The following UBA1 variants were observed in gnomAD, a reference collection of about 807,000 sequenced individuals.
The protein encoded by UBA1 is ubiquitin-like modifier-activating enzyme 1.
In UBA1, 4 loss-of-function variants were observed where a neutral mutation model predicts 84.7. That is an observed-to-expected ratio of 0.05 (90% CI 0.02 to 0.11). The LOEUF (loss-of-function observed/expected upper bound fraction) is 0.11, where lower values mean the gene tolerates loss of function less well. UBA1 is among the 10% of genes least tolerant of loss of function. UBA1 has a pLI of 1.00. For missense variants in UBA1, 513 were observed against 902.8 expected (o/e 0.57, Z 5.53); for synonymous variants, 364 against 362.6 (o/e 1.00, Z -0.04).
At chrX:47,208,611 G>A (rs1556792231) in intron 16 of UBA1, 1 of 98,049 alleles carries the variant, frequency 1.0e-5, no homozygotes. Context: ...CTAGAATAAG[G>A]TACACAGATT....
intron 10 of UBA1, 21 bp from the exon 11 acceptor site, chrX:47,202,617 T>C (rs1936461618): frequency 4.1e-6 from 5 of 1,211,689 alleles, no homozygotes; most frequent in East Asian, 3.0e-5. Flanking sequence ...TATCCTCTCT[T>C]GGTTCTTTCT....
chrX:47,214,821 G>T lies in UBA1; in HGVS notation c.3069G>T (p.Ser1023=), dbSNP rs782010641. 6 of 1,211,470 alleles carry T rather than the reference G, an allele frequency of 5.0e-6. No homozygotes were observed. The highest frequency in any genetic ancestry group is 6.7e-6 in the Non-Finnish European group (6 of 895,606). ...TGACAGAGATTGTGAGCCGTGTGTC[G>T]AAGCGAAAGCTGGGCCGCCACGTGC... is the stretch of plus-strand genomic sequence containing the variant. ...QPMTEIVSRV[S]KRKLGRHVRA... The change falls in exon 26 of 26, where the codon TCG becomes TCT. Residue 1023 remains serine, a synonymous_variant. Transcript: ENST00000335972.
intron 14 of UBA1, chrX:47,205,410 G>C (rs375428135): frequency 2.9e-6 from 1 of 342,686 alleles, no homozygotes. Context: ...TCTCCAGTCT[G>C]TTCCTGTCCA....
At position 47,206,045 on chromosome X, in the gene UBA1, G is replaced by A. The variant is rs782746954; in HGVS notation, c.1673G>A (p.Arg558His). ...AACCGTGTGGGTCCTGACACGGAGC[G>A]CATCTATGATGACGATTTTTTCCAA... ...HQNRVGPDTERIYDDDFFQNL... is the reference protein window; with the variant it reads ...HQNRVGPDTEHIYDDDFFQNL... The change falls in exon 15 of 26, where the codon CGC becomes CAC. Residue 558 changes from arginine to histidine, a missense_variant. By Grantham distance (29) the Arg-to-His change is conservative. This residue lies in a region of UBA1 where 55 missense variants were observed against 104.8 expected (regional missense o/e 0.52). Coordinates refer to ENST00000335972, the MANE Select transcript of UBA1 (RefSeq NM_003334.4). 1.7e-6 allele frequency: 2 copies of A among 1,204,969 alleles called. No individual in the cohort carries two copies. Among genetic ancestry groups the A allele is most frequent in the Admixed American group, 4.4e-5 (2 of 45,290 alleles).
rs2147298051 is a variant in UBA1 at position 47,213,121 on chromosome X, C to T, written c.2778C>T (p.Phe926=). Residue 926 remains phenylalanine, a synonymous_variant, in exon 23 of 26, where the codon TTC becomes TTT. Transcript: ENST00000335972. The stretch of plus-strand genomic sequence containing the variant: ...AGCTTGACTCCTACAAGAATGGTTT[C>T]CTCAACTTGGCCCTGCCTTTCTTTG... ...HRQLDSYKNG[F]LNLALPFFGF... The T allele has an allele frequency of 8.3e-7, 1 of 1,211,797 alleles. No homozygotes were observed. The highest frequency in any genetic ancestry group is 1.1e-6 in the Non-Finnish European group (1 of 895,545).
chrX:47,200,140 G>T (rs1936351818), intron 5 of UBA1, among the ~76,000 whole-genome samples: 1 of 111,864 alleles, frequency 8.9e-6, no homozygotes, highest in African/African-American at 3.3e-5. Flanking sequence ...CATAGTGGTT[G>T]TGGGCACAGA....
At chrX:47,210,186 G>T in intron 18 of UBA1, 63 bp downstream of exon 18, 1 of 1,155,506 alleles carries the variant, frequency 8.7e-7, no homozygotes. Flanking sequence ...AGCCTGCAGT[G>T]TGGGTCCTCC....
chrX:47,205,496 C>T (rs1556790460), intron 14 of UBA1: 9 of 345,012 alleles, frequency 2.6e-5, no homozygotes, highest in South Asian at 2.1e-4. Flanking sequence ...GACCGTCTCT[C>T]CTGCTAGCCT....
chrX:47,205,658 A>G (rs1269458441), intron 14 of UBA1: 8 of 374,998 alleles, frequency 2.1e-5, no homozygotes, highest in Non-Finnish European at 3.9e-5. Context: ...GTTCAAGACC[A>G]GCCTGGGCAG....
chrX:47,214,790 C>T lies in UBA1; in HGVS notation c.3042-4C>T, dbSNP rs782003322. The T allele has an allele frequency of 1.4e-5, 17 of 1,209,316 alleles. No individual in the cohort carries two copies. The highest frequency in any genetic ancestry group is 3.0e-5 in the East Asian group (1 of 33,781). ...ACCCTATACTCCCATCCCCCTATCC[C>T]CAGGATGACAGAGATTGTGAGCCGT... On this transcript the variant is annotated splice_region_variant and splice_polypyrimidine_tract_variant and intron_variant, in intron 25 of 25. Transcript: ENST00000335972.
chrX:47,210,259 C>A, intron 18 of UBA1, 136 bp downstream of exon 18: 1 of 740,968 alleles, frequency 1.3e-6, no homozygotes, highest in Non-Finnish European at 2.0e-6. Flanking sequence ...AGTGATTGAT[C>A]CTGACCTGCT....
At chrX:47,202,022 A>T (rs1936434264) in intron 8 of UBA1, 134 bp from the exon 9 acceptor site, 1 of 566,134 alleles carries the variant, frequency 1.8e-6, no homozygotes. Flanking sequence ...CTGATGTCCA[A>T]GTGGAGCCTG....
At chrX:47,194,653 C>T (rs1936136053) in intron 1 of UBA1, among the ~76,000 whole-genome samples, 1 of 111,848 alleles carries the variant, frequency 8.9e-6, no homozygotes, top group Non-Finnish European at 1.9e-5. Flanking sequence ...CCCCTCTTCG[C>T]CACACGTCAG....
intron 21 of UBA1, 121 bp from the exon 22 acceptor site, chrX:47,212,650 G>A: frequency 1.2e-6 from 1 of 849,852 alleles, no homozygotes. Flanking sequence ...TGAATGAGTA[G>A]GTGTTCCCAG....
In UBA1 at chrX:47,203,243, C is replaced by A. The variant is rs782243447; in HGVS notation, c.1419+29C>A. 18 of 1,198,768 alleles carry A rather than the reference C, an allele frequency of 1.5e-5. No individual in the cohort carries two copies. The Admixed American group carries it at 3.5e-4, about 23-fold the overall frequency. On this transcript the variant is annotated intron_variant, in intron 13 of 25. Coordinates refer to ENST00000335972, the MANE Select transcript of UBA1 (RefSeq NM_003334.4). ...AGTGGTCCCCTTGGATGTCTGCTCC[C>A]CTCATCTTGGCCTCTGGCCATCACC...
chrX:47,197,066 T>C (rs1208075529), intron 1 of UBA1: 7 of 739,159 alleles, frequency 9.5e-6, no homozygotes, highest in East Asian at 1.5e-4. Context: ...GGTTCACCTT[T>C]GTCTCTACTA....
intron 17 of UBA1, 81 bp from the exon 18 acceptor site, chrX:47,209,847 T>C: frequency 6.2e-6 from 7 of 1,135,772 alleles, no homozygotes; most frequent in Non-Finnish European, 8.5e-6. Flanking sequence ...TAGTTTTCCA[T>C]GGAGAAAGTA....
upstream of UBA1, chrX:47,193,725 A>G (rs1936102758): frequency 8.9e-6 from 1 of 112,642 alleles, no homozygotes; most frequent in Non-Finnish European, 1.9e-5. Flanking sequence ...GCAACCGAGT[A>G]GGGAACTTTA....
At position 47,199,512 on chromosome X, in the gene UBA1, C is replaced by A. The variant is rs1936326004; in HGVS notation, c.378C>A (p.Asn126Lys). The A allele has an allele frequency of 1.7e-6, 2 of 1,211,991 alleles. No individual in the cohort carries two copies. Among genetic ancestry groups the A allele is most frequent in the African/African-American group, 3.5e-5 (2 of 57,812 alleles). ...FYLREEDIGK[N>K]RAEVSQPRLA... Reference sequence around the variant, plus strand: ...TGCGGGAGGAGGACATCGGTAAAAACCGGGCCGAGGTATCACAGCCCCGCC... The same window carrying A: ...TGCGGGAGGAGGACATCGGTAAAAAACGGGCCGAGGTATCACAGCCCCGCC... Residue 126 changes from asparagine (N) to lysine (K), a missense_variant, in exon 5 of 26, where the codon AAC becomes AAA. This residue lies in a region of UBA1 where 227 missense variants were observed against 339.1 expected (regional missense o/e 0.67). Transcript: ENST00000335972.
Sources: gnomAD v4.1 joint callset for allele counts (sites outside exome capture counted in the v4.1 genomes callset) on GRCh38, gnomAD v4.1.1 for gene constraint, gnomAD v4.1.1 regional missense constraint, MANE v1.5 for transcripts, NCBI Gene and HGNC (gene_info 2026-07-23, HGNC 2026-07-21) for gene names.